FGD5: variants seen among roughly 807,000 people sequenced by gnomAD.
The protein encoded by FGD5 is FYVE, RhoGEF and PH domain-containing protein 5.
A neutral mutation model predicts 133.4 loss-of-function variants in FGD5; 28 were observed. The observed-to-expected ratio is 0.21, with a 90% CI of 0.16 to 0.29. The LOEUF (loss-of-function observed/expected upper bound fraction) is 0.29, where lower values mean the gene tolerates loss of function less well. FGD5 is among the 10% of genes least tolerant of loss of function. FGD5 has a pLI of 1.00. For missense variants in FGD5, 1,858 were observed against 1,895.2 expected (o/e 0.98, Z 0.36); for synonymous variants, 810 against 776.5 (o/e 1.04, Z -0.72).
At chr3:14,899,723 A>G (rs573947349) in intron 7 of FGD5, among the ~76,000 whole-genome samples, 1 of 152,364 alleles carries the variant, frequency 6.6e-6, no homozygotes, top group East Asian at 1.9e-4. Context: ...AGCAAATAAG[A>G]AAGCCAAAAG....
intron 8 of FGD5, 21 bp downstream of exon 8, chr3:14,900,474 G>T (rs1393899825): frequency 3.1e-6 from 5 of 1,611,868 alleles, no homozygotes; most frequent in Non-Finnish European, 3.4e-6. Flanking sequence ...CGTGAATGCG[G>T]AGGGAGGTAC....
intron 17 of FGD5, among the ~76,000 whole-genome samples, chr3:14,925,827 A>G (rs981921301): frequency 3.3e-5 from 5 of 152,214 alleles, no homozygotes; most frequent in African/African-American, 1.2e-4. Context: ...GAATCTGAAA[A>G]ACCACTAGAG....
intron 4 of FGD5, among the ~76,000 whole-genome samples, chr3:14,896,801 G>T (rs1038689746): frequency 1.3e-5 from 2 of 152,110 alleles, no homozygotes; most frequent in Non-Finnish European, 2.9e-5. Flanking sequence ...TTATTAAATT[G>T]AGTTTAGTTT....
In FGD5 at chr3:14,819,202, G is replaced by T. The variant is rs2036430531; in HGVS notation, c.131G>T (p.Arg44Met). ...AACGGGCGGCTGCCCTGTGTAGACA[G>T]GGGGCTTGATGAGGGGCCCCGGTCC... The part of the protein sequence containing the change: ...CSNGRLPCVD[R>M]GLDEGPRSIP... Residue 44 changes from arginine (R) to methionine (M), a missense_variant, in exon 1 of 20, where the codon AGG becomes ATG. Arg to Met is a moderately conservative substitution (Grantham distance 91). Coordinates refer to ENST00000285046, the MANE Select transcript of FGD5 (RefSeq NM_152536.4). The surrounding 1 kb of genome is among the most constrained non-coding windows in gnomAD (Gnocchi z 4.1). 2 of 1,550,438 alleles carry T rather than the reference G, an allele frequency of 1.3e-6. No homozygotes were observed. The highest frequency in any genetic ancestry group is 2.7e-5 in the African/African-American group (2 of 73,098).
intron 11 of FGD5, among the ~76,000 whole-genome samples, chr3:14,913,870 A>G (rs1338972453): frequency 6.6e-6 from 1 of 152,032 alleles, no homozygotes; most frequent in Non-Finnish European, 1.5e-5. Flanking sequence ...AGCACCTTCT[A>G]TGGAAGCCTA....
At chr3:14,861,906 G>A (rs1400028634) in intron 1 of FGD5, among the ~76,000 whole-genome samples, 2 of 152,166 alleles carry the variant, frequency 1.3e-5, no homozygotes, top group Non-Finnish European at 2.9e-5. Context: ...GTTTTGAGAT[G>A]GTCATTATGG....
chr3:14,845,598 C>T (rs1180783062), intron 1 of FGD5, among the ~76,000 whole-genome samples: 1 of 152,166 alleles, frequency 6.6e-6, no homozygotes, highest in Non-Finnish European at 1.5e-5. Flanking sequence ...ACTCCATCTA[C>T]TGAGGCTGGG....
chr3:14,888,168 G>GAAAA (rs3039779), intron 4 of FGD5, among the ~76,000 whole-genome samples: 1 of 143,212 alleles, frequency 7.0e-6, no homozygotes. Flanking sequence ...ATCCTTTCTC[G>GAAAA]AAAAAAAAAA....
Position 14,853,045 on chromosome 3 carries a change from G to A in FGD5, c.2526-11083G>A, listed in dbSNP as rs576170022. ...ACAGCCACGACGTAGCCCAGATGAC[G>A]CAGGGTTTCCTGAGGAATCCAGGAC... On this transcript the variant is annotated intron_variant, in intron 1 of 19. Transcript: ENST00000285046. Among the ~76,000 whole-genome samples the A allele has an allele frequency of 4.3e-3, 637 of 148,840 alleles. 2 individuals carry two copies. The highest frequency in any genetic ancestry group is 0.015 in the African/African-American group (597 of 40,308).
intron 2 of FGD5, among the ~76,000 whole-genome samples, chr3:14,872,503 A>T (rs2037632042): frequency 6.6e-6 from 1 of 152,092 alleles, no homozygotes; most frequent in African/African-American, 2.4e-5. Context: ...TGAGGGAGGG[A>T]GGGGTAAGAC....
intron 1 of FGD5, among the ~76,000 whole-genome samples, chr3:14,833,665 G>A (rs1467656321): frequency 6.6e-6 from 1 of 152,108 alleles, no homozygotes; most frequent in Non-Finnish European, 1.5e-5. Context: ...ATCCCTGAAG[G>A]GTTTCCAGAC....
intron 4 of FGD5, among the ~76,000 whole-genome samples, chr3:14,884,754 A>G (rs548634269): frequency 5.9e-5 from 9 of 152,284 alleles, no homozygotes; most frequent in Non-Finnish European, 1.0e-4. Context: ...AGCTGGGATC[A>G]CCGGAGGTGT....
At chr3:14,891,078 G>T (rs1348934215) in intron 4 of FGD5, among the ~76,000 whole-genome samples, 1 of 152,238 alleles carries the variant, frequency 6.6e-6, no homozygotes, top group East Asian at 1.9e-4. Context: ...ACACAAGAGA[G>T]ATCGTTGCCC....
rs374703206 is a variant in FGD5 at position 14,885,051 on chromosome 3, G to T, written c.2748+4279G>T. 1.6e-3 allele frequency among the ~76,000 whole-genome samples: 248 copies of T among 151,734 alleles called. 1 individual carries two copies. The highest frequency in any genetic ancestry group is 5.8e-3 in the African/African-American group (242 of 41,386). ...TTTTGCCTAATAAATACAGAGGGCTGTGTAAAGCTTAGGGCCCTTGTCCAC... is the reference window on the plus strand; with the variant it reads ...TTTTGCCTAATAAATACAGAGGGCTTTGTAAAGCTTAGGGCCCTTGTCCAC... On this transcript the variant is annotated intron_variant, in intron 4 of 19. Coordinates refer to ENST00000285046, the MANE Select transcript of FGD5 (RefSeq NM_152536.4).
Position 14,821,551 on chromosome 3 carries a change from A to C in FGD5, c.2480A>C (p.Asn827Thr). 3 of 1,612,700 alleles carry C rather than the reference A, an allele frequency of 1.9e-6. No homozygotes were observed. Among genetic ancestry groups the C allele is most frequent in the Non-Finnish European group, 2.5e-6 (3 of 1,179,024 alleles). ...GGCTACGTGGACATGAGCAGCTTCAACGCCTTTGAGAGCAAACAGCAGAGT... is the reference window on the plus strand; with the variant it reads ...GGCTACGTGGACATGAGCAGCTTCACCGCCTTTGAGAGCAAACAGCAGAGT... The part of the protein sequence containing the change: ...NDGYVDMSSF[N>T]AFESKQQSAD... The change falls in exon 1 of 20, where the codon AAC (asparagine) becomes ACC (threonine). Residue 827 changes from asparagine to threonine, a missense_variant. By Grantham distance (65) the Asn-to-Thr change is moderately conservative. Around this residue, in one of 3 missense-constraint regions of FGD5, gnomAD observed 1,824 missense variants for 1,848.9 expected, o/e 0.99. Transcript: ENST00000285046.
upstream of FGD5, among the ~76,000 whole-genome samples, chr3:14,814,742 G>A (rs1331133830): frequency 6.6e-6 from 1 of 152,190 alleles, no homozygotes; most frequent in African/African-American, 2.4e-5. Flanking sequence ...CCACCAGGGT[G>A]TGTAGTAGGT....
At chr3:14,912,289 C>G (rs2038463908) in intron 11 of FGD5, among the ~76,000 whole-genome samples, 1 of 152,152 alleles carries the variant, frequency 6.6e-6, no homozygotes, top group African/African-American at 2.4e-5. Context: ...GCATGAGGCA[C>G]TAGGTGACCC....
intron 1 of FGD5, among the ~76,000 whole-genome samples, chr3:14,825,202 G>A (rs191556272): frequency 3.9e-5 from 6 of 152,288 alleles, no homozygotes; most frequent in Admixed American, 2.6e-4. Flanking sequence ...ATAGATAGTA[G>A]CATGTTAGTA....
intron 18 of FGD5, among the ~76,000 whole-genome samples, chr3:14,928,154 A>G (rs1252956608): frequency 6.6e-6 from 1 of 151,802 alleles, no homozygotes; most frequent in Non-Finnish European, 1.5e-5. Flanking sequence ...GTTGGCCAGG[A>G]TGGTCTCGAT....
Sources: allele counts gnomAD v4.1 joint callset (sites outside exome capture counted in the v4.1 genomes callset), GRCh38; gene constraint gnomAD v4.1.1; regional missense constraint gnomAD v4.1.1; non-coding constraint Gnocchi (gnomAD v3.1); transcripts MANE v1.5; gene names NCBI Gene and HGNC (gene_info 2026-07-23, HGNC 2026-07-21).